Variants in LYPD6 observed in about 807,000 individuals in gnomAD.
LYPD6 encodes the protein ly6/PLAUR domain-containing protein 6.
Under a neutral mutation model 22.7 loss-of-function variants are expected in LYPD6, and 15 were observed. The observed-to-expected ratio is 0.66, with a 90% CI of 0.44 to 1.02. The LOEUF (loss-of-function observed/expected upper bound fraction) is 1.02, where lower values mean the gene tolerates loss of function less well. Ranked by LOEUF, LYPD6 falls within the 50% of genes least tolerant of loss-of-function variation. The pLI, the probability that LYPD6 is intolerant of heterozygous loss-of-function variation, is 0.00. For synonymous variants in LYPD6, 72 were observed against 77.5 expected (o/e 0.93, Z 0.37); for missense variants, 189 against 208.4 (o/e 0.91, Z 0.57).
At chr2:149,462,767 T>G (rs1681114509) in intron 3 of LYPD6, among the ~76,000 whole-genome samples, 1 of 152,034 alleles carries the variant, frequency 6.6e-6, no homozygotes, top group South Asian at 2.1e-4. Flanking sequence ...CATCTAATTT[T>G]TAACAAAGGT....
intron 1 of LYPD6, among the ~76,000 whole-genome samples, chr2:149,367,287 A>G (rs1048946519): frequency 1.3e-5 from 2 of 152,164 alleles, no homozygotes; most frequent in Non-Finnish European, 2.9e-5. Context: ...GTTGCCGCAT[A>G]ATCCAGTTTG....
intron 1 of LYPD6, among the ~76,000 whole-genome samples, chr2:149,369,769 G>A (rs1236459437): frequency 6.6e-6 from 1 of 152,206 alleles, no homozygotes; most frequent in African/African-American, 2.4e-5. Flanking sequence ...AATTCAGGAA[G>A]AAAAGGACTG....
intron 1 of LYPD6, among the ~76,000 whole-genome samples, chr2:149,428,157 C>A (rs1038784761): frequency 6.6e-6 from 1 of 152,176 alleles, no homozygotes; most frequent in Admixed American, 6.5e-5. Flanking sequence ...TTAAAACCAC[C>A]TTTAACCTTT....
intron 2 of LYPD6, among the ~76,000 whole-genome samples, chr2:149,448,149 C>T (rs560081823): frequency 9.5e-4 from 145 of 152,204 alleles, no homozygotes; most frequent in African/African-American, 3.3e-3. Flanking sequence ...CAAAATTAGC[C>T]GGGTATAGTG....
chr2:149,480,487 A>C, the LYPD6 span, among the ~76,000 whole-genome samples: 2 of 151,406 alleles, frequency 1.3e-5, no homozygotes, highest in Middle Eastern at 6.8e-3. Context: ...GACACCCCCA[A>C]ATTAGATCAA....
At chr2:149,427,363 C>T (rs182969711) in intron 1 of LYPD6, among the ~76,000 whole-genome samples, 2 of 152,202 alleles carry the variant, frequency 1.3e-5, no homozygotes, top group African/African-American at 4.8e-5. Flanking sequence ...ATGAAAGACA[C>T]TAAAGGCAAA....
At chr2:149,336,105 C>G (rs935789208) in intron 1 of LYPD6, among the ~76,000 whole-genome samples, 3 of 152,108 alleles carry the variant, frequency 2.0e-5, no homozygotes, top group African/African-American at 7.2e-5. Flanking sequence ...CATTCATGAC[C>G]TTTTCTTATG....
Position 149,456,779 on chromosome 2 carries a change from C to T in LYPD6, c.217+7632C>T, listed in dbSNP as rs374619499. Among the ~76,000 whole-genome samples the T allele has an allele frequency of 4.0e-4, 61 of 152,276 alleles. No homozygotes were observed. In the East Asian group the frequency reaches 4.8e-3, roughly 12 times the overall value. On this transcript the variant is annotated intron_variant, in intron 3 of 4. Transcript: ENST00000334166. ...GTGAGAAAACCTTTGTTTAAGCATT[C>T]ATTCGGTGGTTTTTTATGGCAACCC...
chr2:149,406,528 C>T (rs2105116105), intron 1 of LYPD6, among the ~76,000 whole-genome samples: 1 of 152,284 alleles, frequency 6.6e-6, no homozygotes, highest in Admixed American at 6.5e-5. Context: ...GGTTTAAAGT[C>T]TGTTTTATCA....
At chr2:149,401,932 G>A (rs1682565264) in intron 1 of LYPD6, among the ~76,000 whole-genome samples, 1 of 150,456 alleles carries the variant, frequency 6.6e-6, no homozygotes, top group South Asian at 2.1e-4. Context: ...TCATAACTTA[G>A]CTCCAACATA....
rs1681370247 is a variant in LYPD6 at position 149,472,712 on chromosome 2, T to G, written c.*1862T>G. On this transcript the variant is annotated 3_prime_UTR_variant, in exon 5 of 5. Coordinates refer to ENST00000334166, the MANE Select transcript of LYPD6 (RefSeq NM_194317.5). ...CTAAGCACTTTACATAAGTTAGGATTAATCCCTGCAAGAATCCTATAAAGA... is the reference window on the plus strand; with the variant it reads ...CTAAGCACTTTACATAAGTTAGGATGAATCCCTGCAAGAATCCTATAAAGA... 6.6e-6 allele frequency: 1 copy of G among 152,628 alleles called. No individual in the cohort carries two copies. The allele number at this position is 152,628 out of a possible 1,614,324, so 9.5% of individuals were successfully genotyped here. A position where few individuals can be genotyped will look rare whatever the true frequency, so the allele number is the denominator to read the frequency against.
At chr2:149,433,273 C>T (rs192491010) in intron 1 of LYPD6, among the ~76,000 whole-genome samples, 2 of 152,294 alleles carry the variant, frequency 1.3e-5, no homozygotes, top group Admixed American at 1.3e-4. Flanking sequence ...ATGAATTCAG[C>T]TTGCTCTTTC....
At chr2:149,379,204 GTT>G (rs755814890) in intron 1 of LYPD6, among the ~76,000 whole-genome samples, 58 of 152,194 alleles carry the variant, frequency 3.8e-4, no homozygotes, top group Non-Finnish European at 5.0e-4. Context: ...GCTGCAGCTG[GTT>G]TTGGTATCAG....
In LYPD6 at chr2:149,379,999, G is replaced by T. The variant is rs139744912; in HGVS notation, c.-72+49277G>T. Among the ~76,000 whole-genome samples the T allele has an allele frequency of 5.5e-3, 845 of 152,278 alleles. 7 individuals are homozygous for T. Among genetic ancestry groups the T allele is most frequent in the African/African-American group, 0.02 (816 of 41,566 alleles). ...GGAACGGGAAGGATTTGCAGTTTTC[G>T]ATAAGGAAAGCTTCCCTGAGAAGGT... On this transcript the variant is annotated intron_variant, in intron 1 of 4. Transcript: ENST00000334166.
intron 3 of LYPD6, among the ~76,000 whole-genome samples, chr2:149,461,958 T>A (rs1681096826): frequency 6.6e-6 from 1 of 152,040 alleles, no homozygotes; most frequent in South Asian, 2.1e-4. Context: ...GGTAAAAGAC[T>A]GCATGCATTC....
chr2:149,457,987 T>C (rs2263099), intron 3 of LYPD6, among the ~76,000 whole-genome samples: 89,716 of 151,914 alleles, frequency 0.59, 28,026 homozygotes, highest in East Asian at 0.85. Context: ...CCAACAGAAG[T>C]TTGCTCTCTA....
At chr2:149,345,948 T>C (rs573647582) in intron 1 of LYPD6, among the ~76,000 whole-genome samples, 43 of 152,286 alleles carry the variant, frequency 2.8e-4, no homozygotes, top group African/African-American at 9.6e-4. Context: ...AACTCTTCCA[T>C]TTTTAGAGGC....
At chr2:149,480,611 C>T in the LYPD6 span, among the ~76,000 whole-genome samples, 10 of 152,132 alleles carry the variant, frequency 6.6e-5, no homozygotes, top group African/African-American at 2.2e-4. Context: ...GCCTGGCTCT[C>T]CTTCTAGCTC....
intron 1 of LYPD6, among the ~76,000 whole-genome samples, chr2:149,350,538 G>C (rs1236377521): frequency 6.6e-6 from 1 of 152,024 alleles, no homozygotes; most frequent in East Asian, 1.9e-4. Flanking sequence ...GTGGCAAAGG[G>C]GTTTATAAAG....
Sources: allele counts gnomAD v4.1 joint callset (sites outside exome capture counted in the v4.1 genomes callset), GRCh38; gene constraint gnomAD v4.1.1; transcripts MANE v1.5; gene names NCBI Gene and HGNC (gene_info 2026-07-23, HGNC 2026-07-21).